Variants in ADAMTS19 observed in about 807,000 individuals in gnomAD.
ADAMTS19 encodes the protein A disintegrin and metalloproteinase with thrombospondin motifs 19.
Under a neutral mutation model 153.3 loss-of-function variants are expected in ADAMTS19, and 93 were observed. The observed-to-expected ratio is 0.61, with a 90% CI of 0.51 to 0.72. The LOEUF (loss-of-function observed/expected upper bound fraction) is 0.72, where lower values mean the gene tolerates loss of function less well. Ranked by LOEUF, ADAMTS19 falls within the 30% of genes least tolerant of loss-of-function variation. The pLI, the probability that ADAMTS19 is intolerant of heterozygous loss-of-function variation, is 0.00. For synonymous variants in ADAMTS19, 600 were observed against 556.6 expected (o/e 1.08, Z -1.10); for missense variants, 1,482 against 1,552.1 (o/e 0.95, Z 0.76).
intron 2 of ADAMTS19, among the ~76,000 whole-genome samples, chr5:129,491,123 T>G (rs60407927): frequency 0.097 from 14,784 of 152,068 alleles, 931 homozygotes; most frequent in East Asian, 0.34. Flanking sequence ...TGCCTCAGCC[T>G]CCCAAGTAGC....
intron 15 of ADAMTS19, among the ~76,000 whole-genome samples, chr5:129,660,149 G>A (rs910580299): frequency 7.2e-5 from 11 of 152,236 alleles, no homozygotes; most frequent in African/African-American, 2.6e-4. Flanking sequence ...TAAAAGATAA[G>A]TGAGACTGAA....
chr5:129,621,736 G>A (rs1234456284), intron 9 of ADAMTS19, among the ~76,000 whole-genome samples: 1 of 152,138 alleles, frequency 6.6e-6, no homozygotes, highest in African/African-American at 2.4e-5. Context: ...ATATTACAGA[G>A]TTGTATACAA....
At chr5:129,476,118 C>T (rs1442267441) in intron 2 of ADAMTS19, among the ~76,000 whole-genome samples, 3 of 151,678 alleles carry the variant, frequency 2.0e-5, no homozygotes, top group Non-Finnish European at 2.9e-5. Context: ...AACCCTGACC[C>T]TAACAACTTT....
intron 8 of ADAMTS19, among the ~76,000 whole-genome samples, chr5:129,600,615 C>G (rs973193641): frequency 6.6e-6 from 1 of 152,050 alleles, no homozygotes; most frequent in Non-Finnish European, 1.5e-5. Flanking sequence ...AAAAATGACT[C>G]TTGGGGATGA....
At chr5:129,565,789 T>G (rs1187352511) in intron 7 of ADAMTS19, among the ~76,000 whole-genome samples, 1 of 152,178 alleles carries the variant, frequency 6.6e-6, no homozygotes, top group African/African-American at 2.4e-5. Context: ...CTTAGTATTT[T>G]CTTCCAAATC....
At chr5:129,714,440 A>G (rs796870869) in intron 21 of ADAMTS19, among the ~76,000 whole-genome samples, 3 of 149,214 alleles carry the variant, frequency 2.0e-5, no homozygotes, top group Non-Finnish European at 4.4e-5. Context: ...AAAAAAAAAA[A>G]AAAGAAAAAT....
rs918585922 is a variant in ADAMTS19 at position 129,461,631 on chromosome 5, C to CGGCCCG, written c.626_627insGGGCCC (p.Gly208_Pro209dup). 3.8e-6 allele frequency: 6 copies of CGGCCCG among 1,594,212 alleles called. No homozygotes were observed. In the African/African-American group the frequency reaches 8.1e-5, roughly 21 times the overall value. ...TGGAACAGCGGCCAAATCCCGGCCC[C>CGGCCCG]GGCCCCACGGGGGCAGCATCCGCCC... is the stretch of plus-strand genomic sequence containing the variant. On this transcript the variant is annotated inframe_insertion, in exon 2 of 23. Coordinates refer to ENST00000274487, the MANE Select transcript of ADAMTS19 (RefSeq NM_133638.6). This position sits in a 1 kb window ranked among gnomAD's most constrained non-coding sequence, Gnocchi z 4.6.
intron 21 of ADAMTS19, among the ~76,000 whole-genome samples, chr5:129,719,289 T>C (rs1336406607): frequency 6.6e-6 from 1 of 152,190 alleles, no homozygotes; most frequent in East Asian, 1.9e-4. Flanking sequence ...CATAGATTAA[T>C]AGTTCCATGA....
rs539237545 is a variant in ADAMTS19 at position 129,737,480 on chromosome 5, A to T, written c.*262A>T. On this transcript the variant is annotated 3_prime_UTR_variant, in exon 23 of 23. Coordinates refer to ENST00000274487, the MANE Select transcript of ADAMTS19 (RefSeq NM_133638.6). The stretch of plus-strand genomic sequence containing the variant: ...TATAATAAAAAGAAAAAGGAAAAAA[A>T]TAGATCATTATACTTAAAACAAGTT... 1.3e-4 allele frequency: 30 copies of T among 228,928 alleles called. No individual in the cohort carries two copies. The highest frequency in any genetic ancestry group is 1.3e-4 in the Non-Finnish European group (15 of 118,784). 14.2% of individuals were successfully genotyped at this position (228,928 alleles called of 1,614,324 possible).
At chr5:129,626,128 T>C (rs1752033580) in intron 10 of ADAMTS19, among the ~76,000 whole-genome samples, 1 of 152,176 alleles carries the variant, frequency 6.6e-6, no homozygotes, top group Non-Finnish European at 1.5e-5. Flanking sequence ...AATAATACTT[T>C]GAAGTTCTTA....
intron 2 of ADAMTS19, among the ~76,000 whole-genome samples, chr5:129,493,797 G>A (rs891940865): frequency 6.6e-6 from 1 of 152,130 alleles, no homozygotes. Flanking sequence ...GCATATAGCA[G>A]TTAAAACTTG....
intron 7 of ADAMTS19, among the ~76,000 whole-genome samples, chr5:129,557,268 T>C (rs565647691): frequency 6.6e-6 from 1 of 152,290 alleles, no homozygotes; most frequent in South Asian, 2.1e-4. Flanking sequence ...GCCTATCTCT[T>C]CTTTTAACAA....
intron 2 of ADAMTS19, among the ~76,000 whole-genome samples, chr5:129,500,011 A>G (rs1308273462): frequency 6.6e-6 from 1 of 152,024 alleles, no homozygotes; most frequent in Admixed American, 6.6e-5. Flanking sequence ...CGCCCCTCCT[A>G]GTTTTATCTC....
intron 8 of ADAMTS19, among the ~76,000 whole-genome samples, chr5:129,613,281 G>A (rs1013419427): frequency 6.6e-6 from 1 of 152,096 alleles, no homozygotes; most frequent in African/African-American, 2.4e-5. Context: ...CCACATATTT[G>A]GAAGTAAAGC....
At chr5:129,540,631 CAT>C (rs1373961800) in intron 6 of ADAMTS19, among the ~76,000 whole-genome samples, 1 of 151,986 alleles carries the variant, frequency 6.6e-6, no homozygotes, top group Non-Finnish European at 1.5e-5. Flanking sequence ...TTTAATAAAA[CAT>C]ATGAATTGCA....
intron 8 of ADAMTS19, among the ~76,000 whole-genome samples, chr5:129,600,026 A>G (rs1263147735): frequency 6.6e-6 from 1 of 152,236 alleles, no homozygotes; most frequent in Non-Finnish European, 1.5e-5. Flanking sequence ...AAACAGGAAG[A>G]AAAGTATCTA....
At chr5:129,556,256 A>G (rs1753307051) in intron 7 of ADAMTS19, among the ~76,000 whole-genome samples, 1 of 152,164 alleles carries the variant, frequency 6.6e-6, no homozygotes, top group South Asian at 2.1e-4. Flanking sequence ...ACATATGTGC[A>G]TTTTCCTTTT....
chr5:129,685,103 A>T (rs983705213), intron 18 of ADAMTS19, among the ~76,000 whole-genome samples: 4 of 152,186 alleles, frequency 2.6e-5, no homozygotes, highest in Non-Finnish European at 5.9e-5. Context: ...GCAGTTAGGT[A>T]TATAAGTCTG....
chr5:129,574,859 G>GA (rs34873192), intron 7 of ADAMTS19, among the ~76,000 whole-genome samples: 76,486 of 148,830 alleles, frequency 0.51, 22,499 homozygotes, highest in Non-Finnish European at 0.66. Flanking sequence ...AAGCATTCTT[G>GA]AAAAAAAAAA....
Sources: gnomAD v4.1 joint callset for allele counts (sites outside exome capture counted in the v4.1 genomes callset) on GRCh38, gnomAD v4.1.1 for gene constraint, Gnocchi (gnomAD v3.1) non-coding constraint, MANE v1.5 for transcripts, NCBI Gene and HGNC (gene_info 2026-07-23, HGNC 2026-07-21) for gene names.